LAMP1: variants seen among roughly 807,000 people sequenced by gnomAD.
LAMP1 encodes the protein lysosome associated membrane protein 1.
In LAMP1, 7 loss-of-function variants were observed where a neutral mutation model predicts 37.5. The observed-to-expected ratio is 0.19, with a 90% CI of 0.11 to 0.35. The LOEUF (loss-of-function observed/expected upper bound fraction) is 0.35, where lower values mean the gene tolerates loss of function less well. LAMP1 is among the 10% of genes least tolerant of loss of function. The probability of loss-of-function intolerance (pLI) is 1.00; values close to 1 mark genes in which losing one functional copy is unlikely to be tolerated. For missense variants in LAMP1, 537 were observed against 552.8 expected (o/e 0.97, Z 0.29); for synonymous variants, 236 against 229.1 (o/e 1.03, Z -0.27).
intron 4 of LAMP1, among the ~76,000 whole-genome samples, chr13:113,316,827 G>A (rs1161061647): frequency 1.1e-4 from 17 of 150,600 alleles, no homozygotes; most frequent in African/African-American, 3.4e-4. Flanking sequence ...CTGAGATGGC[G>A]CCGCTGCACT....
intron 4 of LAMP1, among the ~76,000 whole-genome samples, chr13:113,317,382 A>G (rs1368177164): frequency 6.6e-6 from 1 of 152,214 alleles, no homozygotes; most frequent in African/African-American, 2.4e-5. Context: ...TTTGTAATTC[A>G]GGTAGAAGGA....
chr13:113,317,587 C>T (rs1220135891), intron 4 of LAMP1, among the ~76,000 whole-genome samples: 2 of 152,078 alleles, frequency 1.3e-5, no homozygotes, highest in Non-Finnish European at 2.9e-5. Flanking sequence ...TTCTGTGCGT[C>T]GTGTGGCCAT....
chr13:113,318,949 G>T (rs2042681777), intron 4 of LAMP1, among the ~76,000 whole-genome samples: 1 of 152,196 alleles, frequency 6.6e-6, no homozygotes, highest in African/African-American at 2.4e-5. Flanking sequence ...GTCTGTGTGT[G>T]CTGCAGACCC....
chr13:113,312,661 C>T (rs1466478597), intron 4 of LAMP1, among the ~76,000 whole-genome samples: 7 of 152,184 alleles, frequency 4.6e-5, no homozygotes, highest in Admixed American at 3.3e-4. Flanking sequence ...CCCCGGGGGC[C>T]GTGGTGACAG....
Position 113,309,709 on chromosome 13 carries a change from A to AAC in LAMP1, c.253_254dup (p.Ser86LeufsTer7), listed in dbSNP as rs1260575061. The AAC allele has an allele frequency of 6.2e-7, 1 of 1,614,170 alleles. No individual in the cohort carries two copies. The highest frequency in any genetic ancestry group is 1.7e-5 in the Admixed American group (1 of 60,016). ...CAACCGCAGCTCCTGTGGAAAAGAG[A>AAC]ACACTTCTGACCCCAGTCTCGTGAT... is the stretch of plus-strand genomic sequence containing the variant. On this transcript the variant is annotated frameshift_variant, in exon 3 of 9. Transcript: ENST00000332556. LOFTEE classifies it high-confidence loss of function.
In LAMP1 at chr13:113,320,485, G is replaced by GCACCTCTCTGGGGGCGC. The variant is rs2042692297; in HGVS notation, c.876+17_876+33dup. 8 of 1,602,588 alleles carry GCACCTCTCTGGGGGCGC rather than the reference G, an allele frequency of 5.0e-6. No individual in the cohort carries two copies. The highest frequency in any genetic ancestry group is 6.8e-6 in the Non-Finnish European group (8 of 1,178,558). ...AGTTCGGGATGGTGAGGCTGGGGCGGCACCTCTCTGGGGGCGCCCACTGTG... is the reference window on the plus strand; with the variant it reads ...AGTTCGGGATGGTGAGGCTGGGGCGGCACCTCTCTGGGGGCGCCACCTCTCTGGGGGCGCCCACTGTG... On this transcript the variant is annotated intron_variant, in intron 6 of 8. Coordinates refer to ENST00000332556, the MANE Select transcript of LAMP1 (RefSeq NM_005561.4). The surrounding 1 kb of genome is among the most constrained non-coding windows in gnomAD (Gnocchi z 4.4).
chr13:113,301,393 G>A lies in LAMP1; in HGVS notation c.61+3898G>A, dbSNP rs371393576. Among the ~76,000 whole-genome samples the A allele has an allele frequency of 2.5e-4, 38 of 151,944 alleles. 1 individual carries two copies. In the East Asian group the frequency reaches 2.7e-3, roughly 11 times the overall value. ...CCTAACACTTTGGGAGGCCGAGGTG[G>A]GTGGATTGCCTGAGCTCAGGAGTTC... On this transcript the variant is annotated intron_variant, in intron 1 of 8. Transcript: ENST00000332556.
intron 4 of LAMP1, among the ~76,000 whole-genome samples, chr13:113,315,796 A>C (rs1371015834): frequency 1.3e-5 from 2 of 151,784 alleles, no homozygotes; most frequent in African/African-American, 4.8e-5. Flanking sequence ...TTCCTTCCTG[A>C]GTATCTTCAA....
rs142857054 is a variant in LAMP1, at chr13:113,309,541, A to T, written c.184-102A>T. On this transcript the variant is annotated intron_variant, in intron 2 of 8. Transcript: ENST00000332556. ...ACCTCAGTAGTGATATCTTAGTTGG[A>T]AATGAAGTATAAGTTTATATCAGAC... 366 of 867,166 alleles carry T rather than the reference A, an allele frequency of 4.2e-4. 1 individual carries two copies. In the African/African-American group the frequency reaches 5.8e-3, roughly 14 times the overall value. 53.7% of individuals were successfully genotyped at this position (867,166 alleles called of 1,614,324 possible). A position where few individuals can be genotyped will look rare whatever the true frequency, so the allele number is the denominator to read the frequency against.
intron 4 of LAMP1, among the ~76,000 whole-genome samples, chr13:113,311,331 A>G (rs1026530181): frequency 4.6e-5 from 7 of 152,244 alleles, no homozygotes; most frequent in Non-Finnish European, 8.8e-5. Context: ...ATAAAAAAGT[A>G]AGTGTTTGAT....
Position 113,319,536 on chromosome 13 carries a change from C to T in LAMP1, c.630C>T (p.Pro210=), listed in dbSNP as rs758798632. 6 of 1,614,018 alleles carry T rather than the reference C, an allele frequency of 3.7e-6. No individual in the cohort carries two copies. In the South Asian group the frequency reaches 6.6e-5, roughly 18 times the overall value. ...TAPPAPPSPS[P]SPVPKSPSVD... ...CCCCTGCGCCACCCAGCCCCTCGCC[C>T]TCACCCGTGCCCAAGAGCCCCTCTG... Residue 210 remains proline (P), a synonymous_variant, in exon 5 of 9, where the codon CCC becomes CCT. Transcript: ENST00000332556.
chr13:113,313,038 GA>G (rs2042638889), intron 4 of LAMP1, among the ~76,000 whole-genome samples: 1 of 152,196 alleles, frequency 6.6e-6, no homozygotes, highest in Non-Finnish European at 1.5e-5. Flanking sequence ...AAATGAGAGA[GA>G]ATTGGATGCT....
At chr13:113,306,739 G>A in intron 2 of LAMP1, 133 bp downstream of exon 2, 1 of 953,778 alleles carries the variant, frequency 1.0e-6, no homozygotes, top group Non-Finnish European at 1.5e-6. Flanking sequence ...TCCTTCTGGT[G>A]TTGTCAGTAA....
At chr13:113,298,384 G>A (rs1392374190) in intron 1 of LAMP1, among the ~76,000 whole-genome samples, 2 of 149,022 alleles carry the variant, frequency 1.3e-5, no homozygotes, top group Non-Finnish European at 3.0e-5. Context: ...ATTGCCCCCC[G>A]CCAACACTAT....
At position 113,321,814 on chromosome 13, in the gene LAMP1, C is replaced by T; in HGVS notation, c.1114+87C>T. 2.2e-6 allele frequency: 3 copies of T among 1,345,910 alleles called. No individual in the cohort carries two copies. The South Asian group carries it at 3.8e-5, about 17-fold the overall frequency. 83.4% of individuals were successfully genotyped at this position (1,345,910 alleles called of 1,614,324 possible). ...GGACGTTTAGTCGCTTCCGTGTGGG[C>T]TGGGGCGACGCCCCTGTTCCTCTGC... On this transcript the variant is annotated intron_variant, in intron 8 of 8. Coordinates refer to ENST00000332556, the MANE Select transcript of LAMP1 (RefSeq NM_005561.4). The surrounding 1 kb of genome is among the most constrained non-coding windows in gnomAD (Gnocchi z 5.6).
intron 1 of LAMP1, chr13:113,305,761 G>A (rs2042595098): frequency 6.6e-6 from 1 of 152,238 alleles, no homozygotes; most frequent in Non-Finnish European, 1.5e-5. Context: ...GAGGACCACA[G>A]TGAAAGATCC....
chr13:113,301,963 C>T (rs1256641519), intron 1 of LAMP1, among the ~76,000 whole-genome samples: 3 of 149,754 alleles, frequency 2.0e-5, no homozygotes, highest in South Asian at 2.1e-4. Flanking sequence ...CCCAGGTTCA[C>T]GCCATTCTCC....
At chr13:113,317,145 G>T (rs184654643) in intron 4 of LAMP1, among the ~76,000 whole-genome samples, 1 of 152,316 alleles carries the variant, frequency 6.6e-6, no homozygotes, top group African/African-American at 2.4e-5. Flanking sequence ...GAGCACATGA[G>T]CTTTGGAAAG....
intron 4 of LAMP1, among the ~76,000 whole-genome samples, chr13:113,315,868 C>T (rs1311598830): frequency 2.6e-5 from 4 of 151,778 alleles, no homozygotes; most frequent in South Asian, 2.1e-4. Flanking sequence ...TTTGGGAACT[C>T]GAGGTGGGTG....
Sources: gnomAD v4.1 joint callset for allele counts (sites outside exome capture counted in the v4.1 genomes callset) on GRCh38, gnomAD v4.1.1 for gene constraint, Gnocchi (gnomAD v3.1) non-coding constraint, MANE v1.5 for transcripts, NCBI Gene and HGNC (gene_info 2026-07-23, HGNC 2026-07-21) for gene names.